The following PPME1 variants were observed in gnomAD, a reference collection of about 807,000 sequenced individuals.
The protein encoded by PPME1 is testicular secretory protein Li 39.
Under a neutral mutation model 56.9 loss-of-function variants are expected in PPME1, and 17 were observed. The observed-to-expected ratio is 0.30, with a 90% CI of 0.20 to 0.45. The LOEUF (loss-of-function observed/expected upper bound fraction) is 0.45. Among genes scored for constraint, PPME1 ranks in the 20% least tolerant of loss-of-function variants. PPME1 has a pLI of 1.00. For synonymous variants in PPME1, 122 were observed against 156.2 expected, an observed-to-expected ratio of 0.78 and a Z score of 1.63; for missense variants, 357 against 483.2, an observed-to-expected ratio of 0.74 and a Z score of 2.45.
Position 74,225,941 on chromosome 11 carries a change from T to A in PPME1, c.398+685T>A, listed in dbSNP as rs117176710. On this transcript the variant is annotated intron_variant, in intron 5 of 13. Coordinates refer to ENST00000328257, the MANE Select transcript of PPME1 (RefSeq NM_016147.3). ...CTGACCTATAGCATAAATAGGATTC[T>A]TCTAGCCACTCTGCTTTAATACGTA... Among the ~76,000 whole-genome samples the A allele has an allele frequency of 2.8e-4, 42 of 152,330 alleles. 1 individual carries two copies. The East Asian group carries it at 8.1e-3, about 29-fold the overall frequency.
At chr11:74,221,769 T>C (rs1858806569) in intron 3 of PPME1, among the ~76,000 whole-genome samples, 1 of 152,174 alleles carries the variant, frequency 6.6e-6, no homozygotes, top group Non-Finnish European at 1.5e-5. Flanking sequence ...CCCCATGATA[T>C]TATGATTTTT....
chr11:74,243,404 C>G (rs560453167), intron 9 of PPME1: 2 of 151,548 alleles, frequency 1.3e-5, no homozygotes, highest in African/African-American at 2.4e-5. Context: ...TTTGTCATTT[C>G]CCTGTGAAGT....
chr11:74,208,141 G>A (rs1398342499), intron 3 of PPME1, among the ~76,000 whole-genome samples: 3 of 151,822 alleles, frequency 2.0e-5, no homozygotes, highest in Non-Finnish European at 4.4e-5. Flanking sequence ...GTGAAACCCC[G>A]TCTTTACTAA....
intron 1 of PPME1, among the ~76,000 whole-genome samples, chr11:74,172,325 A>T (rs1473519589): frequency 6.6e-6 from 1 of 152,150 alleles, no homozygotes; most frequent in Non-Finnish European, 1.5e-5. Flanking sequence ...AGAACTGAAG[A>T]ATTTACAGAG....
chr11:74,239,462 T>C (rs993976444), intron 9 of PPME1, among the ~76,000 whole-genome samples: 1 of 152,168 alleles, frequency 6.6e-6, no homozygotes, highest in African/African-American at 2.4e-5. Flanking sequence ...AAACTTACGC[T>C]ATATACCCTC....
chr11:74,243,783 CTTT>C (rs555052806), intron 9 of PPME1, among the ~76,000 whole-genome samples: 4 of 139,962 alleles, frequency 2.9e-5, no homozygotes, highest in African/African-American at 5.2e-5. Flanking sequence ...TTCTTTCTTT[CTTT>C]TTTTTTTTTT....
At position 74,230,340 on chromosome 11, in the gene PPME1, C is replaced by G. The variant is rs926614381; in HGVS notation, c.494C>G (p.Thr165Arg). The G allele has an allele frequency of 6.2e-7, 1 of 1,613,884 alleles. No homozygotes were observed. Among genetic ancestry groups the G allele is most frequent in the Non-Finnish European group, 8.5e-7 (1 of 1,179,790 alleles). Residue 165 changes from threonine to arginine, a missense_variant, in exon 6 of 14, where the codon ACA (threonine) becomes AGA (arginine). By Grantham distance (71) the Thr-to-Arg change is moderately conservative (BLOSUM62 -1). This residue lies in a region of PPME1 where 182 missense variants were observed against 293.8 expected (regional missense o/e 0.62). Coordinates refer to ENST00000328257, the MANE Select transcript of PPME1 (RefSeq NM_016147.3). This position sits in a 1 kb window ranked among gnomAD's most constrained non-coding sequence, Gnocchi z 4.9. ...HSMGGAIAVH[T>R]ASSNLVPSLL... ...ATGGGTGGTGCTATTGCAGTCCACA[C>G]AGCATCATCCAACCTGGTACCAAGC... is the stretch of plus-strand genomic sequence containing the variant.
chr11:74,242,468 T>A lies in PPME1; in HGVS notation c.834+3212T>A, dbSNP rs1024823607. On this transcript the variant is annotated intron_variant, in intron 9 of 13. Coordinates refer to ENST00000328257, the MANE Select transcript of PPME1 (RefSeq NM_016147.3). ...GGTTATTGACATCCTATATATTTTTTAAAAATTTTAATACTTGTTTATGTG... is the reference window on the plus strand; with the variant it reads ...GGTTATTGACATCCTATATATTTTTAAAAAATTTTAATACTTGTTTATGTG... Among the ~76,000 whole-genome samples, 7 of 152,198 alleles carry A rather than the reference T, an allele frequency of 4.6e-5. No individual in the cohort carries two copies. The South Asian group carries it at 6.2e-4, about 14-fold the overall frequency.
rs1030512883 is a variant in PPME1, at chr11:74,253,635, G to A, written c.*125G>A. The A allele has an allele frequency of 2.1e-5, 23 of 1,104,624 alleles. No individual in the cohort carries two copies. The highest frequency in any genetic ancestry group is 4.6e-5 in the African/African-American group (3 of 64,738). The allele number at this position is 1,104,624 out of a possible 1,614,324, so 68.4% of individuals were successfully genotyped here. A position where few individuals can be genotyped will look rare whatever the true frequency, so the allele number is the denominator to read the frequency against. On this transcript the variant is annotated 3_prime_UTR_variant, in exon 14 of 14. Transcript: ENST00000328257. Reference sequence around the variant, plus strand: ...CATGTGACACTGGCTCCCGGTAGACGGGCACCCCGAGATGTACCAACCTTT... The same window carrying A: ...CATGTGACACTGGCTCCCGGTAGACAGGCACCCCGAGATGTACCAACCTTT...
intron 3 of PPME1, among the ~76,000 whole-genome samples, chr11:74,206,964 T>C (rs1252547583): frequency 6.6e-6 from 1 of 152,222 alleles, no homozygotes; most frequent in African/African-American, 2.4e-5. Context: ...AATTTTTCTG[T>C]AATACTATGA....
At chr11:74,182,095 A>G (rs1339083783) in intron 1 of PPME1, among the ~76,000 whole-genome samples, 1 of 152,302 alleles carries the variant, frequency 6.6e-6, no homozygotes, top group South Asian at 2.1e-4. Flanking sequence ...CTATACTTCT[A>G]CTGTCTTGTA....
intron 8 of PPME1, chr11:74,238,314 T>C (rs753819123): frequency 6.6e-5 from 10 of 152,180 alleles, no homozygotes; most frequent in Admixed American, 2.0e-4. Context: ...GGAGAAGTTA[T>C]CATTCTTAAA....
intron 9 of PPME1, among the ~76,000 whole-genome samples, chr11:74,244,609 G>A (rs1255107223): frequency 6.6e-6 from 1 of 152,040 alleles, no homozygotes; most frequent in Non-Finnish European, 1.5e-5. Flanking sequence ...TTTTAATCAG[G>A]TTACTCGATG....
intron 2 of PPME1, 133 bp downstream of exon 2, chr11:74,203,954 A>T (rs1225562319): frequency 1.6e-6 from 1 of 629,178 alleles, no homozygotes; most frequent in Non-Finnish European, 2.6e-6. Flanking sequence ...TCTTTATGGA[A>T]TATTGCCTGG....
intron 7 of PPME1, among the ~76,000 whole-genome samples, chr11:74,231,506 G>A (rs1032882260): frequency 3.3e-5 from 5 of 152,202 alleles, no homozygotes; most frequent in African/African-American, 1.2e-4. Context: ...TATTGTAATA[G>A]CATATGAGGA....
chr11:74,214,251 G>A (rs974306080), intron 3 of PPME1, among the ~76,000 whole-genome samples: 7 of 152,150 alleles, frequency 4.6e-5, no homozygotes, highest in African/African-American at 1.7e-4. Context: ...GTAAGAATTA[G>A]CTTGAAGACA....
At chr11:74,213,054 C>G (rs1370020738) in intron 3 of PPME1, among the ~76,000 whole-genome samples, 1 of 152,116 alleles carries the variant, frequency 6.6e-6, no homozygotes, top group East Asian at 1.9e-4. Flanking sequence ...AATTCCAGGC[C>G]TTGGCTCTTG....
At chr11:74,191,943 G>A (rs139788595) in intron 1 of PPME1, among the ~76,000 whole-genome samples, 56 of 152,336 alleles carry the variant, frequency 3.7e-4, no homozygotes, top group Non-Finnish European at 4.9e-4. Flanking sequence ...TGGAGCCCCC[G>A]TCAAAGACCC....
chr11:74,174,028 GT>G (rs530733855), intron 1 of PPME1, among the ~76,000 whole-genome samples: 148 of 152,200 alleles, frequency 9.7e-4, no homozygotes, highest in Non-Finnish European at 1.4e-3. Flanking sequence ...TACTTTATTG[GT>G]ATATAAGCAG....
Sources: allele counts gnomAD v4.1 joint callset (sites outside exome capture counted in the v4.1 genomes callset), GRCh38; gene constraint gnomAD v4.1.1; regional missense constraint gnomAD v4.1.1; non-coding constraint Gnocchi (gnomAD v3.1); transcripts MANE v1.5; gene names NCBI Gene and HGNC (gene_info 2026-07-23, HGNC 2026-07-21).